Variants in TBCE observed in about 807,000 individuals in gnomAD.
The protein encoded by TBCE is tubulin-specific chaperone E.
TBCE carries 53 observed loss-of-function variants against 77.0 expected under a neutral mutation model. That is an observed-to-expected ratio of 0.69 (90% confidence interval 0.55 to 0.87). The LOEUF is 0.87. Ranked by LOEUF, TBCE falls within the 40% of genes least tolerant of loss-of-function variation. The pLI is 0.00. For synonymous variants in TBCE, 235 were observed against 241.3 expected, an observed-to-expected ratio of 0.97 and a Z score of 0.24; for missense variants, 624 against 622.4, an observed-to-expected ratio of 1.00 and a Z score of -0.03.
intron 2 of TBCE, among the ~76,000 whole-genome samples, chr1:235,392,062 C>G (rs1369667297): frequency 6.6e-6 from 1 of 151,968 alleles, no homozygotes; most frequent in African/African-American, 2.4e-5. Context: ...TGGCTCATGC[C>G]TGTAATTGCA....
chr1:235,440,607 T>A (rs1262336299), intron 13 of TBCE, among the ~76,000 whole-genome samples: 1 of 151,676 alleles, frequency 6.6e-6, no homozygotes, highest in Non-Finnish European at 1.5e-5. Context: ...TTGGCCAGGC[T>A]GGTCTCAAAC....
intron 5 of TBCE, among the ~76,000 whole-genome samples, chr1:235,424,128 T>G (rs1233966745): frequency 6.6e-6 from 1 of 152,176 alleles, no homozygotes; most frequent in Non-Finnish European, 1.5e-5. Context: ...CGAGGATGAC[T>G]TGGGTGTAAC....
chr1:235,405,164 T>C (rs535238565), intron 3 of TBCE, among the ~76,000 whole-genome samples: 1 of 151,924 alleles, frequency 6.6e-6, no homozygotes, highest in Admixed American at 6.6e-5. Context: ...GGTTTCGCCA[T>C]GTTGGCCATT....
intron 3 of TBCE, among the ~76,000 whole-genome samples, chr1:235,401,826 C>CTTTTTTTTTTTTTTT (rs11285286): frequency 3.4e-5 from 3 of 88,594 alleles, no homozygotes; most frequent in Non-Finnish European, 6.3e-5. Context: ...TTTCTTCGTC[C>CTTTTTTTTTTTTTTT]TTTTTTTTTT....
intron 1 of TBCE, among the ~76,000 whole-genome samples, chr1:235,372,627 A>AAG (rs765140404): frequency 6.7e-4 from 100 of 150,314 alleles, no homozygotes; most frequent in African/African-American, 2.1e-3. Context: ...ACCAATAGAA[A>AAG]AGAGAGAGAG....
intron 14 of TBCE, 26 bp downstream of exon 14, chr1:235,441,908 T>G: frequency 6.2e-7 from 1 of 1,603,868 alleles, no homozygotes; most frequent in Non-Finnish European, 8.5e-7. Flanking sequence ...TCAAATAGTT[T>G]ATTTGTATTT....
intron 2 of TBCE, among the ~76,000 whole-genome samples, chr1:235,386,444 C>T (rs1420120430): frequency 1.3e-4 from 20 of 152,288 alleles, no homozygotes; most frequent in Admixed American, 3.3e-4. Context: ...ACCAATCAGA[C>T]GTAGATTTGG....
At chr1:235,409,695 C>T (rs890375068) in intron 3 of TBCE, among the ~76,000 whole-genome samples, 3 of 150,122 alleles carry the variant, frequency 2.0e-5, no homozygotes, top group African/African-American at 7.4e-5. Context: ...TGTTTTTTTA[C>T]CATGGTTTTA....
chr1:235,447,673 G>GGAA (rs1682482229), intron 15 of TBCE, among the ~76,000 whole-genome samples: 1 of 152,196 alleles, frequency 6.6e-6, no homozygotes, highest in Non-Finnish European at 1.5e-5. Flanking sequence ...TAATTCATAA[G>GGAA]GAAGTCATCA....
intron 6 of TBCE, 129 bp from the exon 7 acceptor site, chr1:235,430,576 A>ACC: frequency 1.5e-6 from 1 of 665,286 alleles, no homozygotes; most frequent in Non-Finnish European, 2.6e-6. Context: ...TTTTTAAAAT[A>ACC]TAATTCCATT....
At chr1:235,403,476 C>T (rs928279537) in intron 3 of TBCE, among the ~76,000 whole-genome samples, 6 of 152,194 alleles carry the variant, frequency 3.9e-5, no homozygotes, top group African/African-American at 1.4e-4. Flanking sequence ...TCCCAAAGTG[C>T]TGGGATTACA....
intron 3 of TBCE, among the ~76,000 whole-genome samples, chr1:235,409,880 A>G (rs371915567): frequency 4.2e-5 from 4 of 95,736 alleles, no homozygotes; most frequent in Non-Finnish European, 8.1e-5. Flanking sequence ...AATACAAAAA[A>G]TTAGCCAGGC....
Position 235,387,798 on chromosome 1 carries a change from A to G in TBCE, c.100+7649A>G, listed in dbSNP as rs1045300369. ...AGGAAATGGTCTCAATCCAGACCCC[A>G]AAAGAGGGTTCTTGGATCTCGTGCA... is the stretch of plus-strand genomic sequence containing the variant. On this transcript the variant is annotated intron_variant, in intron 2 of 16. Coordinates refer to ENST00000642610, the MANE Select transcript of TBCE (RefSeq NM_003193.5). 7.2e-5 allele frequency among the ~76,000 whole-genome samples: 11 copies of G among 152,160 alleles called. 1 individual carries two copies. The highest frequency in any genetic ancestry group is 3.9e-4 in the Admixed American group (6 of 15,244).
At chr1:235,424,031 G>C (rs1241482777) in intron 5 of TBCE, among the ~76,000 whole-genome samples, 3 of 152,146 alleles carry the variant, frequency 2.0e-5, no homozygotes, top group Non-Finnish European at 4.4e-5. Flanking sequence ...TGATGCCACT[G>C]TTTTTGTAAA....
chr1:235,443,607 G>T (rs892841836), intron 15 of TBCE, among the ~76,000 whole-genome samples: 3 of 152,166 alleles, frequency 2.0e-5, no homozygotes, highest in African/African-American at 7.2e-5. Flanking sequence ...GTGACACTGG[G>T]TTTGGGGTCT....
At chr1:235,383,153 C>T (rs1186065595) in intron 2 of TBCE, among the ~76,000 whole-genome samples, 90 of 147,220 alleles carry the variant, frequency 6.1e-4, no homozygotes, top group African/African-American at 2.2e-3. Flanking sequence ...TCTGAGGGCT[C>T]TGTTCTGTTC....
At chr1:235,448,141 A>G (rs1160172216) in intron 15 of TBCE, among the ~76,000 whole-genome samples, 2 of 150,058 alleles carry the variant, frequency 1.3e-5, no homozygotes, top group East Asian at 2.0e-4. Context: ...CGGAGGTTGC[A>G]GTGAGCCGAG....
intron 2 of TBCE, among the ~76,000 whole-genome samples, chr1:235,391,779 A>G (rs987603594): frequency 6.6e-6 from 1 of 150,844 alleles, no homozygotes; most frequent in East Asian, 2.0e-4. Flanking sequence ...GCTAATTTTT[A>G]TATTTTTAGT....
intron 2 of TBCE, among the ~76,000 whole-genome samples, chr1:235,395,393 C>T (rs571014641): frequency 2.0e-5 from 3 of 152,056 alleles, no homozygotes; most frequent in African/African-American, 7.2e-5. Flanking sequence ...TAAAGATGCA[C>T]AATAAATTAT....
Sources: allele counts gnomAD v4.1 joint callset (sites outside exome capture counted in the v4.1 genomes callset), GRCh38; gene constraint gnomAD v4.1.1; transcripts MANE v1.5; gene names NCBI Gene and HGNC (gene_info 2026-07-23, HGNC 2026-07-21).